The following PARD3B variants were observed in gnomAD, a reference collection of about 807,000 sequenced individuals.
PARD3B encodes par-3 family cell polarity regulator beta.
A neutral mutation model predicts 130.2 loss-of-function variants in PARD3B; 103 were observed. The observed-to-expected ratio is 0.79, with a 90% CI of 0.67 to 0.93. The LOEUF (loss-of-function observed/expected upper bound fraction) is 0.93, where lower values mean the gene tolerates loss of function less well. Among genes scored for constraint, PARD3B ranks in the 40% least tolerant of loss-of-function variants. The pLI, the probability that PARD3B is intolerant of heterozygous loss-of-function variation, is 0.00. For missense variants in PARD3B, 1,609 were observed against 1,499.2 expected (o/e 1.07, Z -1.21); for synonymous variants, 583 against 553.2 (o/e 1.05, Z -0.76).
chr2:204,710,639 A>G (rs968742879), intron 2 of PARD3B, among the ~76,000 whole-genome samples: 14 of 152,278 alleles, frequency 9.2e-5, no homozygotes, highest in Middle Eastern at 3.4e-3. Flanking sequence ...TCTCCTTCAT[A>G]TTCTCTAAAG....
intron 22 of PARD3B, among the ~76,000 whole-genome samples, chr2:205,571,040 G>C (rs1302683219): frequency 4.6e-5 from 7 of 152,182 alleles, no homozygotes; most frequent in Non-Finnish European, 8.8e-5. Context: ...GAATATAGCT[G>C]TTCGTCTGCC....
rs1192849163 is a variant in PARD3B, at chr2:205,115,576, T to C, written c.680+1999T>C. 2.0e-5 allele frequency among the ~76,000 whole-genome samples: 3 copies of C among 152,292 alleles called. No individual in the cohort carries two copies. In the East Asian group the frequency reaches 5.8e-4, roughly 29 times the overall value. On this transcript the variant is annotated intron_variant, in intron 6 of 22. Coordinates refer to ENST00000406610, the MANE Select transcript of PARD3B (RefSeq NM_001302769.2). Reference sequence around the variant, plus strand: ...GGTGAAATAGTTCTATTATTTATTTTTTGCTATCCACCAGTATTATAGGAA... The same window carrying C: ...GGTGAAATAGTTCTATTATTTATTTCTTGCTATCCACCAGTATTATAGGAA...
At chr2:204,818,796 A>G (rs976284739) in intron 2 of PARD3B, among the ~76,000 whole-genome samples, 1 of 152,224 alleles carries the variant, frequency 6.6e-6, no homozygotes, top group Admixed American at 6.5e-5. Context: ...TTTTATTAGT[A>G]TCTCCTATTG....
chr2:204,963,103 A>C (rs1467890315), intron 2 of PARD3B, among the ~76,000 whole-genome samples: 1 of 152,166 alleles, frequency 6.6e-6, no homozygotes, highest in African/African-American at 2.4e-5. Context: ...AGTATAGGAA[A>C]ATACTTTCTC....
Position 204,604,682 on chromosome 2 carries a change from A to G in PARD3B, c.120+58563A>G, listed in dbSNP as rs563156960. On this transcript the variant is annotated intron_variant, in intron 1 of 22. Coordinates refer to ENST00000406610, the MANE Select transcript of PARD3B (RefSeq NM_001302769.2). Reference sequence around the variant, plus strand: ...ATTCTAATTCCTTCAGGGTGAGTGGAGGGGCTGAGGATCCTGAGTGATTTT... The same window carrying G: ...ATTCTAATTCCTTCAGGGTGAGTGGGGGGGCTGAGGATCCTGAGTGATTTT... 3.3e-5 allele frequency among the ~76,000 whole-genome samples: 5 copies of G among 152,294 alleles called. 1 individual carries two copies. Among genetic ancestry groups the G allele is most frequent in the African/African-American group, 9.6e-5 (4 of 41,580 alleles).
intron 10 of PARD3B, among the ~76,000 whole-genome samples, chr2:205,133,391 T>G (rs1559471849): frequency 6.6e-6 from 1 of 152,112 alleles, no homozygotes. Flanking sequence ...TGGCATCACT[T>G]GGGGATTTGG....
chr2:204,903,248 A>C (rs13422729), intron 2 of PARD3B, among the ~76,000 whole-genome samples: 18,331 of 152,222 alleles, frequency 0.12, 1,454 homozygotes, highest in African/African-American at 0.22. Context: ...ATTTCAAACC[A>C]ATTAGGAACA....
intron 21 of PARD3B, among the ~76,000 whole-genome samples, chr2:205,516,804 G>T (rs1267691814): frequency 4.0e-5 from 6 of 151,178 alleles, no homozygotes; most frequent in Non-Finnish European, 8.8e-5. Context: ...ATACTCTGTT[G>T]ATCAGGAGTG....
At chr2:205,222,293 CA>C (rs747484742) in intron 15 of PARD3B, among the ~76,000 whole-genome samples, 2 of 151,986 alleles carry the variant, frequency 1.3e-5, no homozygotes, top group African/African-American at 4.8e-5. Flanking sequence ...AAGTCATTAG[CA>C]AAATCTTCTC....
chr2:205,599,737 G>C (rs1425612089), intron 22 of PARD3B, among the ~76,000 whole-genome samples: 1 of 152,170 alleles, frequency 6.6e-6, no homozygotes, highest in Non-Finnish European at 1.5e-5. Flanking sequence ...TCAGGTTCCA[G>C]TCACGTATGA....
At chr2:205,025,504 G>T (rs1202895591) in intron 3 of PARD3B, among the ~76,000 whole-genome samples, 1 of 152,180 alleles carries the variant, frequency 6.6e-6, no homozygotes, top group Non-Finnish European at 1.5e-5. Context: ...TGAATTTTGT[G>T]TTGTTTTCTT....
intron 3 of PARD3B, among the ~76,000 whole-genome samples, chr2:204,981,909 C>A (rs1228169612): frequency 6.6e-6 from 1 of 151,826 alleles, no homozygotes; most frequent in African/African-American, 2.4e-5. Context: ...GAGAAAAATT[C>A]TTCATCTTTT....
intron 2 of PARD3B, among the ~76,000 whole-genome samples, chr2:204,918,288 C>G (rs1042824077): frequency 1.3e-5 from 2 of 152,178 alleles, no homozygotes; most frequent in African/African-American, 4.8e-5. Flanking sequence ...GTGTTCTTTC[C>G]TAAGGGAGAA....
intron 4 of PARD3B, among the ~76,000 whole-genome samples, chr2:205,054,434 ATATTTTTTTTTT>A (rs1366927476): frequency 6.4e-4 from 19 of 29,478 alleles, no homozygotes; most frequent in African/African-American, 2.2e-3. Flanking sequence ...ATATATATAT[ATATTTTTTTTTT>A]TTTTTTTTTT....
At chr2:204,871,293 T>G (rs1362826958) in intron 2 of PARD3B, among the ~76,000 whole-genome samples, 2 of 152,152 alleles carry the variant, frequency 1.3e-5, no homozygotes, top group African/African-American at 4.8e-5. Flanking sequence ...AATTTCCCTT[T>G]GATTTATTAT....
chr2:204,719,826 A>G (rs189400979), intron 2 of PARD3B, among the ~76,000 whole-genome samples: 68 of 152,346 alleles, frequency 4.5e-4, no homozygotes, highest in African/African-American at 1.5e-3. Flanking sequence ...TATAGGAAAT[A>G]AATAATCATT....
intron 22 of PARD3B, among the ~76,000 whole-genome samples, chr2:205,608,289 T>C (rs751663293): frequency 7.2e-6 from 1 of 139,130 alleles, no homozygotes; most frequent in East Asian, 1.9e-4. Context: ...AATTGAACCA[T>C]TGTCTGCTAC....
In PARD3B at chr2:204,956,162, A is replaced by G. The variant is rs531169820; in HGVS notation, c.223-8990A>G. 7.2e-5 allele frequency among the ~76,000 whole-genome samples: 11 copies of G among 152,322 alleles called. No individual in the cohort carries two copies. In the South Asian group the frequency reaches 1.7e-3, roughly 23 times the overall value. ...AGAAATAAACCAACCTTAGGTTCCA[A>G]TAAGTTATTGCCTTCAAGGATTTAT... On this transcript the variant is annotated intron_variant, in intron 2 of 22. Coordinates refer to ENST00000406610, the MANE Select transcript of PARD3B (RefSeq NM_001302769.2).
intron 22 of PARD3B, among the ~76,000 whole-genome samples, chr2:205,554,237 A>G (rs1398370224): frequency 1.5e-5 from 2 of 130,772 alleles, no homozygotes; most frequent in Non-Finnish European, 3.2e-5. Flanking sequence ...GGGGTGGGGG[A>G]AAGACCCCAA....
Sources: gnomAD v4.1 joint callset for allele counts (sites outside exome capture counted in the v4.1 genomes callset) on GRCh38, gnomAD v4.1.1 for gene constraint, MANE v1.5 for transcripts, NCBI Gene and HGNC (gene_info 2026-07-23, HGNC 2026-07-21) for gene names.